The following CFAP43 variants were observed in gnomAD, a reference collection of about 807,000 sequenced individuals.
The protein encoded by CFAP43 is cilia and flagella associated protein 43.
CFAP43 carries 155 observed loss-of-function variants against 218.9 expected under a neutral mutation model. The observed-to-expected ratio is 0.71, with a 90% CI of 0.62 to 0.81. The LOEUF (loss-of-function observed/expected upper bound fraction) is 0.81. CFAP43 is among the 30% of genes least tolerant of loss of function. The probability of loss-of-function intolerance (pLI) is 0.00; values close to 1 mark genes in which losing one functional copy is unlikely to be tolerated. For synonymous variants in CFAP43, 645 were observed against 681.3 expected, an observed-to-expected ratio of 0.95 and a Z score of 0.83; for missense variants, 1,778 against 1,954.3, an observed-to-expected ratio of 0.91 and a Z score of 1.70.
chr10:104,228,645 A>C (rs1473820161), intron 2 of CFAP43, among the ~76,000 whole-genome samples: 1 of 152,146 alleles, frequency 6.6e-6, no homozygotes, highest in Non-Finnish European at 1.5e-5. Flanking sequence ...CCATCCAGGA[A>C]TATATTTCTA....
chr10:104,153,799 C>A (rs1030104899), intron 27 of CFAP43, among the ~76,000 whole-genome samples: 8 of 151,218 alleles, frequency 5.3e-5, no homozygotes, highest in Non-Finnish European at 1.0e-4. Context: ...CTCTCTCCCA[C>A]CCCCTGCCCC....
At chr10:104,187,259 A>C in intron 14 of CFAP43, 61 bp downstream of exon 14, 1 of 1,388,106 alleles carries the variant, frequency 7.2e-7, no homozygotes, top group Non-Finnish European at 9.6e-7. Flanking sequence ...ACATCTAATC[A>C]GTATAATGTA....
intron 3 of CFAP43, chr10:104,218,700 T>C (rs1019072384): frequency 1.0e-5 from 5 of 496,064 alleles, no homozygotes; most frequent in African/African-American, 1.9e-5. Context: ...ATCTCTTTCA[T>C]GCAAGCCCTG....
chr10:104,203,859 T>G, intron 7 of CFAP43, 56 bp from the exon 8 acceptor site: 1 of 1,477,336 alleles, frequency 6.8e-7, no homozygotes, highest in Non-Finnish European at 9.0e-7. Flanking sequence ...CATAGTATAC[T>G]TGCCTCATCA....
chr10:104,138,675 A>G (rs2087562285), intron 34 of CFAP43, among the ~76,000 whole-genome samples: 1 of 151,800 alleles, frequency 6.6e-6, no homozygotes, highest in South Asian at 2.1e-4. Context: ...AGCTCAGTCT[A>G]AAAAGAAAAA....
chr10:104,230,878 C>A, intron 1 of CFAP43, 35 bp from the exon 2 acceptor site: 2 of 1,539,942 alleles, frequency 1.3e-6, no homozygotes, highest in Non-Finnish European at 1.7e-6. Context: ...CAATATAATA[C>A]ATTTCAAATA....
At chr10:104,155,820 T>G (rs780136832) in intron 27 of CFAP43, among the ~76,000 whole-genome samples, 11 of 151,542 alleles carry the variant, frequency 7.3e-5, no homozygotes, top group Non-Finnish European at 1.2e-4. Flanking sequence ...AAGAGTTTGC[T>G]GGGTATCTGA....
At chr10:104,166,449 G>T in intron 23 of CFAP43, 39 bp downstream of exon 23, 2 of 1,488,622 alleles carry the variant, frequency 1.3e-6, no homozygotes, top group South Asian at 2.4e-5. Context: ...CTAATGGGGA[G>T]TCTAGAGATT....
intron 4 of CFAP43, 133 bp from the exon 5 acceptor site, chr10:104,212,290 A>C (rs1161033943): frequency 1.2e-6 from 1 of 800,830 alleles, no homozygotes. Flanking sequence ...TAAAAGCCAA[A>C]TGATAGATTT....
intron 22 of CFAP43, among the ~76,000 whole-genome samples, chr10:104,167,206 T>C (rs2089198256): frequency 6.6e-6 from 1 of 152,162 alleles, no homozygotes; most frequent in Non-Finnish European, 1.5e-5. Flanking sequence ...ACAGAGATTA[T>C]TGCTTAAAAA....
intron 23 of CFAP43, among the ~76,000 whole-genome samples, chr10:104,166,036 A>G (rs2089134730): frequency 6.6e-6 from 1 of 152,196 alleles, no homozygotes; most frequent in Non-Finnish European, 1.5e-5. Context: ...GGACATGGAC[A>G]GTATCTGTAT....
intron 27 of CFAP43, among the ~76,000 whole-genome samples, chr10:104,154,771 C>A (rs971914019): frequency 6.6e-6 from 1 of 152,224 alleles, no homozygotes; most frequent in Non-Finnish European, 1.5e-5. Flanking sequence ...GCCCCAAATT[C>A]TTCCCACTGC....
chr10:104,211,432 T>C (rs1014824360), intron 5 of CFAP43, among the ~76,000 whole-genome samples: 1 of 152,126 alleles, frequency 6.6e-6, no homozygotes, highest in Non-Finnish European at 1.5e-5. Flanking sequence ...AATGAATGGG[T>C]GTGTAACACC....
At chr10:104,169,902 T>C (rs546370268) in intron 20 of CFAP43, among the ~76,000 whole-genome samples, 13 of 152,276 alleles carry the variant, frequency 8.5e-5, no homozygotes, top group Admixed American at 2.0e-4. Context: ...CTGAGGCTGT[T>C]TGATCAACTC....
chr10:104,167,786 G>A, intron 21 of CFAP43, 49 bp from the exon 22 acceptor site: 2 of 1,418,282 alleles, frequency 1.4e-6, no homozygotes, highest in Non-Finnish European at 1.9e-6. Flanking sequence ...TAGTATAATT[G>A]TGTGTATCTG....
chr10:104,161,410 G>T lies in CFAP43; in HGVS notation c.3415-248C>A, dbSNP rs561052496. ...GGTGATAGACTCAGAGGGGTGTGTT[G>T]GTATCTTTATAGTGAGAACTACCCC... On this transcript the variant is annotated intron_variant, in intron 26 of 37. Transcript: ENST00000357060. Among the ~76,000 whole-genome samples, 10 of 152,148 alleles carry T rather than the reference G, an allele frequency of 6.6e-5. No homozygotes were observed. In the East Asian group the frequency reaches 1.7e-3, roughly 26 times the overall value.
rs1025595246 is a variant in CFAP43 at position 104,140,870 on chromosome 10, A to T, written c.4403T>A (p.Ile1468Lys). The T allele has an allele frequency of 6.2e-7, 1 of 1,606,472 alleles. No individual in the cohort carries two copies. Among genetic ancestry groups the T allele is most frequent in the African/African-American group, 1.3e-5 (1 of 74,516 alleles). ...YSDAILINKN[I>K]IEDLNSVIRT... ...AATCACAGAATTCAAGTCTTCAATT[A>T]TGTTCTTGTTGATGAGAATTGCATC... The change falls in exon 34 of 38, where the codon ATA (isoleucine) becomes AAA (lysine). Residue 1468 changes from isoleucine to lysine, a missense_variant. Physicochemically the swap from Ile to Lys is moderately radical, Grantham distance 102 (BLOSUM62 -3). Coordinates refer to ENST00000357060, the MANE Select transcript of CFAP43 (RefSeq NM_025145.7).
chr10:104,157,652 GGGA>G (rs1402529292), intron 27 of CFAP43, among the ~76,000 whole-genome samples: 1 of 151,812 alleles, frequency 6.6e-6, no homozygotes, highest in Non-Finnish European at 1.5e-5. Context: ...CACTGAAAAA[GGGA>G]GACCTAAATA....
rs2089164671 is a variant in CFAP43, at chr10:104,166,569, A to C, written c.2958T>G (p.Phe986Leu). 6.2e-7 allele frequency: 1 copy of C among 1,614,150 alleles called. No individual in the cohort carries two copies. The highest frequency in any genetic ancestry group is 8.5e-7 in the Non-Finnish European group (1 of 1,180,002). The stretch of plus-strand genomic sequence containing the variant: ...TTGACAATAAAGAGGTATCTACCCC[A>C]AAATCAGTACTCAGACTACCAAGCA... ...NYLLGSLSTDFGVDTSLLSSQ... is the reference protein window; with the variant it reads ...NYLLGSLSTDLGVDTSLLSSQ... Residue 986 changes from phenylalanine to leucine, a missense_variant, in exon 23 of 38, where the codon TTT becomes TTG. Around this residue, in one of 3 missense-constraint regions of CFAP43, gnomAD observed 1,553 missense variants for 1,685.2 expected, o/e 0.92. Transcript: ENST00000357060.
Sources: allele counts gnomAD v4.1 joint callset (sites outside exome capture counted in the v4.1 genomes callset), GRCh38; gene constraint gnomAD v4.1.1; regional missense constraint gnomAD v4.1.1; transcripts MANE v1.5; gene names NCBI Gene and HGNC (gene_info 2026-07-23, HGNC 2026-07-21).